CSMD1: variants seen among roughly 807,000 people sequenced by gnomAD.
The protein encoded by CSMD1 is CUB and Sushi multiple domains 1.
In CSMD1, 213 loss-of-function variants were observed where a neutral mutation model predicts 417.5. The observed-to-expected ratio is 0.51, with a 90% CI of 0.46 to 0.57. The LOEUF is 0.57. Among genes scored for constraint, CSMD1 ranks in the 20% least tolerant of loss-of-function variants. The pLI is 0.00. For missense variants in CSMD1, 6,923 were observed against 4,529.7 expected, an observed-to-expected ratio of 1.53 and a Z score of -15.17; for synonymous variants, 2,862 against 1,736.8, an observed-to-expected ratio of 1.65 and a Z score of -16.11.
intron 3 of CSMD1, among the ~76,000 whole-genome samples, chr8:4,038,095 G>T (rs1346315222): frequency 2.0e-5 from 3 of 151,906 alleles, no homozygotes; most frequent in Admixed American, 1.3e-4. Context: ...CAGCAAATGG[G>T]AAAAAATGAT....
intron 1 of CSMD1, among the ~76,000 whole-genome samples, chr8:4,730,055 A>G (rs1375603169): frequency 6.6e-6 from 1 of 152,060 alleles, no homozygotes; most frequent in South Asian, 2.1e-4. Context: ...TCCTCTCAGA[A>G]TGGCCAGAGA....
intron 12 of CSMD1, among the ~76,000 whole-genome samples, chr8:3,411,963 TATGC>T (rs1812788845): frequency 1.2e-4 from 4 of 34,688 alleles, no homozygotes; most frequent in Admixed American, 2.8e-4. Flanking sequence ...TACACGTATA[TATGC>T]ACGTATATAT....
At chr8:4,079,177 T>G (rs1049393148) in intron 3 of CSMD1, among the ~76,000 whole-genome samples, 6 of 151,948 alleles carry the variant, frequency 3.9e-5, no homozygotes, top group African/African-American at 1.5e-4. Flanking sequence ...AAATTGAATA[T>G]AAGCTAATGT....
intron 50 of CSMD1, among the ~76,000 whole-genome samples, chr8:3,042,446 C>G (rs1811164775): frequency 6.6e-6 from 1 of 152,172 alleles, no homozygotes; most frequent in African/African-American, 2.4e-5. Flanking sequence ...TATTTATCAT[C>G]TGCACATGAT....
At chr8:4,242,152 C>A (rs1168575585) in intron 3 of CSMD1, among the ~76,000 whole-genome samples, 1 of 152,076 alleles carries the variant, frequency 6.6e-6, no homozygotes, top group Non-Finnish European at 1.5e-5. Flanking sequence ...ATATATCCAC[C>A]AAATTAGACA....
intron 10 of CSMD1, among the ~76,000 whole-genome samples, chr8:3,572,046 C>T (rs1799966291): frequency 6.6e-6 from 1 of 152,156 alleles, no homozygotes; most frequent in African/African-American, 2.4e-5. Flanking sequence ...GAAAGAAATT[C>T]CACCTGTGAG....
chr8:4,649,521 CT>C (rs1803749451), intron 1 of CSMD1, among the ~76,000 whole-genome samples: 1 of 152,194 alleles, frequency 6.6e-6, no homozygotes, highest in Non-Finnish European at 1.5e-5. Flanking sequence ...ACTTCTACCC[CT>C]GTGCTCATCC....
At chr8:4,212,174 T>TTATATAAATATA (rs1554495566) in intron 3 of CSMD1, among the ~76,000 whole-genome samples, 12 of 145,716 alleles carry the variant, frequency 8.2e-5, no homozygotes, top group African/African-American at 3.0e-4. Flanking sequence ...ACTTCCCTAT[T>TTATATAAATATA]TATATATATA....
chr8:3,809,931 T>C (rs185604731), intron 5 of CSMD1, among the ~76,000 whole-genome samples: 15 of 152,288 alleles, frequency 9.8e-5, no homozygotes, highest in Admixed American at 7.2e-4. Context: ...TTACTTCATA[T>C]ACAACCAACA....
chr8:4,179,365 G>C (rs1479516007), intron 3 of CSMD1, among the ~76,000 whole-genome samples: 2 of 152,126 alleles, frequency 1.3e-5, no homozygotes, highest in Non-Finnish European at 2.9e-5. Flanking sequence ...TGGGAAAACT[G>C]GCTAGCCATA....
chr8:4,331,508 GTGT>G (rs1261826697), intron 3 of CSMD1, among the ~76,000 whole-genome samples: 2 of 152,112 alleles, frequency 1.3e-5, no homozygotes, highest in East Asian at 3.9e-4. Context: ...ACATGTTTCA[GTGT>G]TGTTGTATCC....
At chr8:3,781,432 TG>T (rs1435004142) in intron 5 of CSMD1, among the ~76,000 whole-genome samples, 1 of 152,134 alleles carries the variant, frequency 6.6e-6, no homozygotes, top group Non-Finnish European at 1.5e-5. Context: ...CAGCACAGTC[TG>T]GGGGGTTTCC....
chr8:4,073,411 G>C (rs187981889), intron 3 of CSMD1, among the ~76,000 whole-genome samples: 6 of 152,022 alleles, frequency 3.9e-5, no homozygotes, highest in African/African-American at 1.4e-4. Context: ...AAGAAGCTGA[G>C]GGAAATTTTG....
intron 3 of CSMD1, among the ~76,000 whole-genome samples, chr8:4,300,692 A>AC (rs1480771984): frequency 6.6e-6 from 1 of 151,804 alleles, no homozygotes; most frequent in Non-Finnish European, 1.5e-5. Flanking sequence ...CACTCTCCCA[A>AC]CCCCACAACA....
chr8:4,790,482 T>A (rs1486180265), intron 1 of CSMD1, among the ~76,000 whole-genome samples: 1 of 152,114 alleles, frequency 6.6e-6, no homozygotes, highest in African/African-American at 2.4e-5. Context: ...AAAAAACTCT[T>A]CTAAAATTTA....
chr8:4,585,319 G>A (rs924186537), intron 2 of CSMD1, among the ~76,000 whole-genome samples: 10 of 152,114 alleles, frequency 6.6e-5, no homozygotes, highest in Admixed American at 5.9e-4. Flanking sequence ...CTAATTAATA[G>A]CAGATTAGGC....
intron 52 of CSMD1, among the ~76,000 whole-genome samples, chr8:3,012,973 C>T (rs574361774): frequency 6.6e-6 from 1 of 152,218 alleles, no homozygotes; most frequent in Admixed American, 6.5e-5. Context: ...GGGGAGTTCC[C>T]CTGCACACGC....
chr8:4,302,715 C>T (rs1434788575), intron 3 of CSMD1, among the ~76,000 whole-genome samples: 1 of 152,094 alleles, frequency 6.6e-6, no homozygotes, highest in Admixed American at 6.5e-5. Context: ...GTGTTTTCAA[C>T]ACTCTTTTCT....
rs77070726 is a variant in CSMD1, at chr8:3,391,444, T to G, written c.2594-3762A>C. ...TTACAAAATTATGACAATTTTAAAG[T>G]GGTGATTTAAAGATCAACATACAAA... On this transcript the variant is annotated intron_variant, in intron 17 of 69. Transcript: ENST00000635120. Among the ~76,000 whole-genome samples the G allele has an allele frequency of 9.8e-3, 1,490 of 152,302 alleles. 63 individuals carry two copies. In the East Asian group the frequency reaches 0.14, roughly 14 times the overall value.
Sources: gnomAD v4.1 joint callset for allele counts (sites outside exome capture counted in the v4.1 genomes callset) on GRCh38, gnomAD v4.1.1 for gene constraint, MANE v1.5 for transcripts, NCBI Gene and HGNC (gene_info 2026-07-23, HGNC 2026-07-21) for gene names.